Variants in LRRC37A3 observed in about 807,000 individuals in gnomAD.
The protein encoded by LRRC37A3 is leucine rich repeat containing 37 member A3.
LRRC37A3 carries 25 observed loss-of-function variants against 106.2 expected under a neutral mutation model. That is an observed-to-expected ratio of 0.24 (90% CI 0.17 to 0.33). The LOEUF is 0.33. Among genes scored for constraint, LRRC37A3 ranks in the 10% least tolerant of loss-of-function variants. The pLI is 1.00. For synonymous variants in LRRC37A3, 305 were observed against 635.8 expected (o/e 0.48, Z 7.83); for missense variants, 712 against 1,644.9 (o/e 0.43, Z 9.81).
chr17:64,866,628 A>ATATT (rs1491179388), intron 10 of LRRC37A3, among the ~76,000 whole-genome samples: 2 of 17,866 alleles, frequency 1.1e-4, no homozygotes, highest in Non-Finnish European at 1.7e-4. Context: ...ATATATATAT[A>ATATT]TTTTTTTTTT....
chr17:64,913,894 A>G (rs1598438703), intron 2 of LRRC37A3, among the ~76,000 whole-genome samples: 1 of 152,180 alleles, frequency 6.6e-6, no homozygotes, highest in Non-Finnish European at 1.5e-5. Flanking sequence ...AGGATAGGGA[A>G]GACCTTAACA....
chr17:64,915,612 G>T (rs1284909526), intron 2 of LRRC37A3, among the ~76,000 whole-genome samples: 1 of 152,254 alleles, frequency 6.6e-6, no homozygotes, highest in African/African-American at 2.4e-5. Flanking sequence ...AGAGCTGTTA[G>T]ATGAACACCA....
chr17:64,880,387 G>A (rs185732146), intron 8 of LRRC37A3, among the ~76,000 whole-genome samples: 5 of 152,318 alleles, frequency 3.3e-5, no homozygotes, highest in South Asian at 2.1e-4. Flanking sequence ...GGGCTCAAGC[G>A]ATTTGCCTGT....
rs1247647101 is a variant in LRRC37A3 at position 64,859,595 on chromosome 17, G to A, written c.4551C>T (p.Leu1517=). 44 of 1,612,758 alleles carry A rather than the reference G, an allele frequency of 2.7e-5. No individual in the cohort carries two copies. Among genetic ancestry groups the A allele is most frequent in the Non-Finnish European group, 3.4e-5 (40 of 1,179,846 alleles). The change falls in exon 12 of 15, where the codon CTC becomes CTT. Residue 1517 remains leucine (L), a synonymous_variant. Transcript: ENST00000584306. ...GAHVQVTCAK[L]VSRTGHLMKL... is the part of the protein sequence containing the mutation. ...TCATCAGGTGGCCTGTCCTGGAGAC[G>A]AGCTTGGCACAGGTCACTTGCACAT...
chr17:64,858,491 T>G (rs940356774), intron 13 of LRRC37A3, among the ~76,000 whole-genome samples: 3 of 152,254 alleles, frequency 2.0e-5, no homozygotes, highest in South Asian at 2.1e-4. Flanking sequence ...CATCCAATTG[T>G]TGACATAGTT....
rs751213832 is a variant in LRRC37A3, at chr17:64,858,892, A to C, written c.4705-9T>G. On this transcript the variant is annotated splice_polypyrimidine_tract_variant and intron_variant, in intron 12 of 14. Transcript: ENST00000584306. ...GGAAGTTCTTTTGTGAACTAAAAAA[A>C]AAAAAACCAGAATGAGAGCTAACTA... The C allele has an allele frequency of 8.2e-6, 13 of 1,581,600 alleles. No homozygotes were observed. Among genetic ancestry groups the C allele is most frequent in the Admixed American group, 3.5e-5 (2 of 56,816 alleles).
chr17:64,854,712 C>G (rs1293917754), intron 14 of LRRC37A3, 68 bp from the exon 15 acceptor site: 1 of 1,612,022 alleles, frequency 6.2e-7, no homozygotes, highest in Non-Finnish European at 8.5e-7. Context: ...TCACCCCCTC[C>G]TCATTTTAGA....
intron 2 of LRRC37A3, chr17:64,901,379 C>T: frequency 6.7e-6 from 1 of 149,746 alleles, no homozygotes; most frequent in East Asian, 1.9e-4. Flanking sequence ...AGACACTTCA[C>T]ATTAGAAGCA....
At chr17:64,876,264 C>A (rs912045177) in intron 8 of LRRC37A3, among the ~76,000 whole-genome samples, 2 of 152,238 alleles carry the variant, frequency 1.3e-5, no homozygotes, top group African/African-American at 4.8e-5. Context: ...CTCACTGCAG[C>A]CCCAATCTCC....
chr17:64,877,453 C>T (rs1973551164), intron 8 of LRRC37A3, among the ~76,000 whole-genome samples: 1 of 152,188 alleles, frequency 6.6e-6, no homozygotes. Flanking sequence ...CTGCCTGCCT[C>T]AGCCTCCCAA....
rs987257539 is a variant in LRRC37A3 at position 64,881,096 on chromosome 17, T to C, written c.2906+4990A>G. The C allele has an allele frequency of 3.0e-5, 21 of 700,646 alleles. No homozygotes were observed. In the Admixed American group the frequency reaches 3.2e-4, roughly 11 times the overall value. The allele number at this position is 700,646 out of a possible 1,614,324, so 43.4% of individuals were successfully genotyped here. On this transcript the variant is annotated intron_variant, in intron 8 of 14. Coordinates refer to ENST00000584306, the MANE Select transcript of LRRC37A3 (RefSeq NM_199340.5). ...GTACTTGGGGAGAAAGTAACCTCTT[T>C]CCTTTATTCATCTACATAGGTTCGT...
At chr17:64,866,589 CAT>C (rs1212670512) in intron 10 of LRRC37A3, among the ~76,000 whole-genome samples, 412 of 24,134 alleles carry the variant, frequency 0.017, 18 homozygotes, top group Non-Finnish European at 0.022. Context: ...TATACACGTA[CAT>C]ATATATATAT....
At chr17:64,916,942 CAAAA>C (rs904117316) in intron 2 of LRRC37A3, among the ~76,000 whole-genome samples, 1 of 104,030 alleles carries the variant, frequency 9.6e-6, no homozygotes, top group African/African-American at 3.6e-5. Flanking sequence ...TTAAGGTGGC[CAAAA>C]AAAAAAAAAA....
At chr17:64,915,534 G>C (rs545552284) in intron 2 of LRRC37A3, among the ~76,000 whole-genome samples, 1 of 152,376 alleles carries the variant, frequency 6.6e-6, no homozygotes, top group Admixed American at 6.5e-5. Flanking sequence ...CTGCAACAGG[G>C]ACAGCAAGGC....
intron 10 of LRRC37A3, among the ~76,000 whole-genome samples, chr17:64,866,665 C>A: frequency 1.1e-5 from 1 of 95,054 alleles, no homozygotes; most frequent in African/African-American, 3.9e-5. Context: ...GGGTCTTGCT[C>A]TGTCACCCAA....
intron 8 of LRRC37A3, chr17:64,881,166 G>A (rs928755447): frequency 4.6e-5 from 32 of 700,724 alleles, no homozygotes; most frequent in African/African-American, 7.0e-5. Flanking sequence ...ACAAGACCTC[G>A]GACTGCATCA....
chr17:64,905,122 A>G (rs1243315073), intron 2 of LRRC37A3, among the ~76,000 whole-genome samples: 1 of 152,102 alleles, frequency 6.6e-6, no homozygotes, highest in Non-Finnish European at 1.5e-5. Context: ...TTATTAAAGC[A>G]ATTTATTTAC....
At chr17:64,854,987 G>A (rs1360351949) in intron 14 of LRRC37A3, among the ~76,000 whole-genome samples, 7 of 152,130 alleles carry the variant, frequency 4.6e-5, no homozygotes, top group South Asian at 2.1e-4. Flanking sequence ...ACAGGCCTGC[G>A]CCACCACACC....
At chr17:64,875,887 A>G (rs924784649) in intron 8 of LRRC37A3, among the ~76,000 whole-genome samples, 2 of 152,340 alleles carry the variant, frequency 1.3e-5, no homozygotes, top group Middle Eastern at 3.4e-3. Context: ...ATGTGTGACA[A>G]TAACAGTATA....
Sources: allele counts gnomAD v4.1 joint callset (sites outside exome capture counted in the v4.1 genomes callset), GRCh38; gene constraint gnomAD v4.1.1; transcripts MANE v1.5; gene names NCBI Gene and HGNC (gene_info 2026-07-23, HGNC 2026-07-21).